Variants in OGFRL1 observed in about 807,000 individuals in gnomAD.
OGFRL1 encodes the protein opioid growth factor receptor like 1.
Under a neutral mutation model 32.4 loss-of-function variants are expected in OGFRL1, and 26 were observed. That is an observed-to-expected ratio of 0.80 (90% CI 0.59 to 1.11). OGFRL1 has a LOEUF of 1.11. Among genes scored for constraint, OGFRL1 ranks in the 50% most tolerant of loss-of-function variants. The pLI is 0.00. For missense variants in OGFRL1, 521 were observed against 546.4 expected (o/e 0.95, Z 0.46); for synonymous variants, 211 against 201.2 (o/e 1.05, Z -0.41).
intron 6 of OGFRL1, among the ~76,000 whole-genome samples, chr6:71,297,296 T>C (rs1766241657): frequency 6.6e-6 from 1 of 152,124 alleles, no homozygotes; most frequent in Non-Finnish European, 1.5e-5. Context: ...TAGTTTTTAC[T>C]AAAAGAGAGA....
chr6:71,297,152 T>C (rs1281582457), intron 6 of OGFRL1, among the ~76,000 whole-genome samples: 1 of 152,222 alleles, frequency 6.6e-6, no homozygotes, highest in Non-Finnish European at 1.5e-5. Flanking sequence ...TGTACAATTC[T>C]GTGTATTCCT....
intron 1 of OGFRL1, 190 bp downstream of exon 1, chr6:71,289,360 G>T: frequency 1.0e-6 from 1 of 982,146 alleles, no homozygotes; most frequent in Non-Finnish European, 1.2e-6. Flanking sequence ...AGCCCAAAGC[G>T]CCGGACCCTC....
Position 71,289,152 on chromosome 6 carries a change from G to A in OGFRL1, c.216G>A (p.Glu72=). ...GCCCCGCGCCGGACGAGGACGCCGA[G>A]GCGGCGGGCGCCGAGCAGGTACGCG... ...GASPAPDEDA[E]AAGAEQGGDS... Residue 72 remains glutamate, a synonymous_variant, in exon 1 of 7, where the codon GAG becomes GAA. Transcript: ENST00000370435. 1.9e-6 allele frequency: 2 copies of A among 1,080,960 alleles called. No individual in the cohort carries two copies. The highest frequency in any genetic ancestry group is 8.6e-5 in the South Asian group (2 of 23,324). 67.0% of individuals were successfully genotyped at this position (1,080,960 alleles called of 1,614,324 possible).
In OGFRL1 at chr6:71,301,577, A is replaced by G; in HGVS notation, c.884A>G (p.Lys295Arg). The change falls in exon 7 of 7, where the codon AAG (lysine) becomes AGG (arginine). Residue 295 changes from lysine to arginine, a missense_variant. Lys to Arg is a conservative substitution (Grantham distance 26). Transcript: ENST00000370435. ...ATTAGAGACAGAAGAGAAAGGAGAA[A>G]GCTCCTGCGGTTCGCCCAGAAACAC... is the stretch of plus-strand genomic sequence containing the variant. ...YTIRDRRERRKLLRFAQKHYT... is the reference protein window; with the variant it reads ...YTIRDRRERRRLLRFAQKHYT... The G allele has an allele frequency of 6.2e-7, 1 of 1,614,190 alleles. No individual in the cohort carries two copies. The highest frequency in any genetic ancestry group is 8.5e-7 in the Non-Finnish European group (1 of 1,180,032).
chr6:71,301,157 G>A (rs1466909939), intron 6 of OGFRL1, among the ~76,000 whole-genome samples: 1 of 152,158 alleles, frequency 6.6e-6, no homozygotes, highest in East Asian at 1.9e-4. Context: ...GACAAGGGAA[G>A]TTTATTTTAT....
At position 71,302,318 on chromosome 6, in the gene OGFRL1, G is replaced by C. The variant is rs1766424436; in HGVS notation, c.*269G>C. The C allele has an allele frequency of 3.9e-6, 1 of 253,972 alleles. No homozygotes were observed. Among genetic ancestry groups the C allele is most frequent in the Non-Finnish European group, 7.4e-6 (1 of 135,010 alleles). 15.7% of individuals were successfully genotyped at this position (253,972 alleles called of 1,614,324 possible). A position where few individuals can be genotyped will look rare whatever the true frequency, so the allele number is the denominator to read the frequency against. ...AAATTTTGTATATAATAATTACTTTGAGAATATTTTCAGAGTATCTAGAAA... is the reference window on the plus strand; with the variant it reads ...AAATTTTGTATATAATAATTACTTTCAGAATATTTTCAGAGTATCTAGAAA... On this transcript the variant is annotated 3_prime_UTR_variant, in exon 7 of 7. Transcript: ENST00000370435.
rs142845651 is a variant in OGFRL1, at chr6:71,297,873, T to C, written c.692+1056T>C. ...AACGTGCAGGTTAGTTACATATGTA[T>C]ACACGTGCCATGTTGGTGTGCTGCA... On this transcript the variant is annotated intron_variant, in intron 6 of 6. Coordinates refer to ENST00000370435, the MANE Select transcript of OGFRL1 (RefSeq NM_024576.5). Among the ~76,000 whole-genome samples, 670 of 151,964 alleles carry C rather than the reference T, an allele frequency of 4.4e-3. 5 individuals are homozygous for C. Among genetic ancestry groups the C allele is most frequent in the African/African-American group, 0.014 (584 of 41,478 alleles).
intron 6 of OGFRL1, among the ~76,000 whole-genome samples, chr6:71,300,827 C>T (rs1353414482): frequency 6.6e-6 from 1 of 152,170 alleles, no homozygotes; most frequent in Non-Finnish European, 1.5e-5. Context: ...TTAAACTAAG[C>T]TCTGCTAAAT....
In OGFRL1 at chr6:71,307,767, T is replaced by C. The variant is rs1425119686; in HGVS notation, c.*5718T>C. On this transcript the variant is annotated 3_prime_UTR_variant, in exon 7 of 7. Transcript: ENST00000370435. ...AAGAAACATTTACATTCTACACTCA[T>C]TAGTCAAATGAACTTTTCTTTCCCA... 6.6e-6 allele frequency: 1 copy of C among 152,326 alleles called. No individual in the cohort carries two copies. The highest frequency in any genetic ancestry group is 1.9e-4 in the East Asian group (1 of 5,182). The allele number at this position is 152,326 out of a possible 1,614,324, so 9.4% of individuals were successfully genotyped here.
chr6:71,289,277 T>A, intron 1 of OGFRL1, 107 bp downstream of exon 1: 2 of 1,010,942 alleles, frequency 2.0e-6, no homozygotes, highest in Non-Finnish European at 2.4e-6. Context: ...GCCAGGTGGC[T>A]GCTCGCCGCT....
Position 71,302,149 on chromosome 6 carries a change from C to T in OGFRL1, c.*100C>T, listed in dbSNP as rs577454905. 1.5e-4 allele frequency: 158 copies of T among 1,065,834 alleles called. No individual in the cohort carries two copies. The highest frequency in any genetic ancestry group is 1.8e-4 in the Non-Finnish European group (140 of 780,446). The allele number at this position is 1,065,834 out of a possible 1,614,324, so 66.0% of individuals were successfully genotyped here. Reference sequence around the variant, plus strand: ...GATGAGGTCAATTTCAAATTTTAGCCATCTGTTTGTGATTTCTGTCATAAG... The same window carrying T: ...GATGAGGTCAATTTCAAATTTTAGCTATCTGTTTGTGATTTCTGTCATAAG... On this transcript the variant is annotated 3_prime_UTR_variant, in exon 7 of 7. Transcript: ENST00000370435.
chr6:71,294,775 T>A (rs1766152079), intron 3 of OGFRL1, among the ~76,000 whole-genome samples: 1 of 152,212 alleles, frequency 6.6e-6, no homozygotes, highest in Admixed American at 6.5e-5. Context: ...TTCATTTTGT[T>A]AGGACTTGGG....
chr6:71,295,226 A>T (rs1291369401), intron 3 of OGFRL1: 1 of 152,158 alleles, frequency 6.6e-6, no homozygotes, highest in Non-Finnish European at 1.5e-5. Flanking sequence ...GTTGGAAAGG[A>T]AAACAAATGG....
intron 1 of OGFRL1, chr6:71,289,629 C>G: frequency 2.0e-6 from 2 of 984,744 alleles, no homozygotes; most frequent in Non-Finnish European, 2.4e-6. Context: ...AGCGCTCTCC[C>G]CTACAGTGGG....
At chr6:71,296,088 T>C (rs1766199006) in intron 3 of OGFRL1, among the ~76,000 whole-genome samples, 1 of 152,180 alleles carries the variant, frequency 6.6e-6, no homozygotes, top group South Asian at 2.1e-4. Flanking sequence ...TTAGAGTACA[T>C]TGTCCAACAA....
chr6:71,305,210 A>G lies in OGFRL1; in HGVS notation c.*3161A>G, dbSNP rs1345907633. The G allele has an allele frequency of 6.6e-6, 1 of 152,068 alleles. No individual in the cohort carries two copies. The highest frequency in any genetic ancestry group is 2.4e-5 in the African/African-American group (1 of 41,452). The allele number at this position is 152,068 out of a possible 1,614,324, so 9.4% of individuals were successfully genotyped here. ...TTGATAAAATACTAACTTGCATTTC[A>G]TGGCAAATAGATGTTATATCGCTTG... is the stretch of plus-strand genomic sequence containing the variant. On this transcript the variant is annotated 3_prime_UTR_variant, in exon 7 of 7. Coordinates refer to ENST00000370435, the MANE Select transcript of OGFRL1 (RefSeq NM_024576.5).
In OGFRL1 at chr6:71,302,247, C is replaced by A; in HGVS notation, c.*198C>A. 1 of 415,338 alleles carries A rather than the reference C, an allele frequency of 2.4e-6. No individual in the cohort carries two copies. Among genetic ancestry groups the A allele is most frequent in the Admixed American group, 4.0e-5 (1 of 24,850 alleles). The allele number at this position is 415,338 out of a possible 1,614,324, so 25.7% of individuals were successfully genotyped here. ...CTAATAAGGAGATTTAAGATAAGAC[C>A]CAATAAATGAATGTATTCTGTAATG... On this transcript the variant is annotated 3_prime_UTR_variant, in exon 7 of 7. Transcript: ENST00000370435.
Position 71,296,868 on chromosome 6 carries a change from T to G in OGFRL1, c.692+51T>G, listed in dbSNP as rs1332719849. On this transcript the variant is annotated intron_variant, in intron 6 of 6. Transcript: ENST00000370435. Reference sequence around the variant, plus strand: ...AGGGGCCAGCACAGTTATTTTCCCTTGGTCAGAGTTCTCTATGAAACGCAG... The same window carrying G: ...AGGGGCCAGCACAGTTATTTTCCCTGGGTCAGAGTTCTCTATGAAACGCAG... 4 of 1,564,612 alleles carry G rather than the reference T, an allele frequency of 2.6e-6. No individual in the cohort carries two copies. In the South Asian group the frequency reaches 4.8e-5, roughly 19 times the overall value.
chr6:71,298,806 A>G (rs1235545313), intron 6 of OGFRL1, among the ~76,000 whole-genome samples: 3 of 152,124 alleles, frequency 2.0e-5, no homozygotes, highest in African/African-American at 7.2e-5. Context: ...TTCTATGAAA[A>G]CGTCTGTTCT....
Sources: allele counts gnomAD v4.1 joint callset (sites outside exome capture counted in the v4.1 genomes callset), GRCh38; gene constraint gnomAD v4.1.1; transcripts MANE v1.5; gene names NCBI Gene and HGNC (gene_info 2026-07-23, HGNC 2026-07-21).